Variants in ADAMTS6 observed in about 807,000 individuals in gnomAD.
The protein encoded by ADAMTS6 is ADAM metallopeptidase with thrombospondin type 1 motif 6, also known as A disintegrin and metalloproteinase with thrombospondin motifs 6.
In ADAMTS6, 23 loss-of-function variants were observed where a neutral mutation model predicts 144.3. The ratio of observed to expected loss-of-function variants is 0.16; its 90% CI spans 0.11 to 0.23. The LOEUF (loss-of-function observed/expected upper bound fraction) is 0.23. Among genes scored for constraint, ADAMTS6 ranks in the 10% least tolerant of loss-of-function variants. ADAMTS6 has a pLI of 1.00. For synonymous variants in ADAMTS6, 444 were observed against 457.5 expected (o/e 0.97, Z 0.38); for missense variants, 999 against 1,379.6 (o/e 0.72, Z 4.37).
chr5:65,424,357 A>C (rs1376015496), intron 7 of ADAMTS6, among the ~76,000 whole-genome samples: 1 of 152,260 alleles, frequency 6.6e-6, no homozygotes, highest in East Asian at 1.9e-4. Flanking sequence ...TATAAAGATT[A>C]AGTGTGCTCA....
chr5:65,156,129 T>C (rs983600926), intron 24 of ADAMTS6, among the ~76,000 whole-genome samples: 1 of 152,190 alleles, frequency 6.6e-6, no homozygotes, highest in Non-Finnish European at 1.5e-5. Flanking sequence ...CTACCACTTT[T>C]AGCTTAGCTA....
rs184676948 is a variant in ADAMTS6 at position 65,469,337 on chromosome 5, T to C, written c.462+1441A>G. Among the ~76,000 whole-genome samples, 13 of 152,288 alleles carry C rather than the reference T, an allele frequency of 8.5e-5. No homozygotes were observed. In the East Asian group the frequency reaches 2.5e-3, roughly 29 times the overall value. On this transcript the variant is annotated intron_variant, in intron 3 of 24. Coordinates refer to ENST00000381055, the MANE Select transcript of ADAMTS6 (RefSeq NM_197941.4). ...CTTCTCTCAAATCCCACAATGGAAT[T>C]AGTTTTGTTCTTGAATGTGCTCATT...
rs181983712 is a variant in ADAMTS6 at position 65,224,284 on chromosome 5, T to C, written c.2272+36A>G. The C allele has an allele frequency of 8.9e-6, 14 of 1,571,932 alleles. No individual in the cohort carries two copies. The African/African-American group carries it at 1.8e-4, about 20-fold the overall frequency. ...TGTGCTACTTTTCCTCATTTACTTTTAAAATCCAGCAAACTAGCATACCAG... is the reference window on the plus strand; with the variant it reads ...TGTGCTACTTTTCCTCATTTACTTTCAAAATCCAGCAAACTAGCATACCAG... On this transcript the variant is annotated intron_variant, in intron 18 of 24. Transcript: ENST00000381055.
At position 65,451,720 on chromosome 5, in the gene ADAMTS6, G is replaced by A. The variant is rs966552307; in HGVS notation, c.928-100C>T. On this transcript the variant is annotated intron_variant, in intron 6 of 24. Coordinates refer to ENST00000381055, the MANE Select transcript of ADAMTS6 (RefSeq NM_197941.4). ...AAGTGGGACTATAATTAGAAGCAGTGTTTCTAGGAATAATCTCTTGCCAAT... is the reference window on the plus strand; with the variant it reads ...AAGTGGGACTATAATTAGAAGCAGTATTTCTAGGAATAATCTCTTGCCAAT... 2.1e-6 allele frequency: 3 copies of A among 1,400,678 alleles called. No homozygotes were observed. The African/African-American group carries it at 4.4e-5, about 21-fold the overall frequency. 86.8% of individuals were successfully genotyped at this position (1,400,678 alleles called of 1,614,324 possible). A position where few individuals can be genotyped will look rare whatever the true frequency, so the allele number is the denominator to read the frequency against.
intron 7 of ADAMTS6, among the ~76,000 whole-genome samples, chr5:65,431,998 TA>T (rs1159363095): frequency 6.6e-6 from 1 of 152,056 alleles, no homozygotes; most frequent in African/African-American, 2.4e-5. Context: ...GAGAGGTGGG[TA>T]AAATACTCAA....
intron 7 of ADAMTS6, among the ~76,000 whole-genome samples, chr5:65,365,478 T>C (rs1386531948): frequency 6.6e-6 from 1 of 151,986 alleles, no homozygotes; most frequent in Non-Finnish European, 1.5e-5. Context: ...AAACCCCATC[T>C]CTACTAAAAA....
chr5:65,343,072 T>A (rs1748000238), intron 7 of ADAMTS6, among the ~76,000 whole-genome samples: 1 of 151,810 alleles, frequency 6.6e-6, no homozygotes, highest in Non-Finnish European at 1.5e-5. Context: ...TGGAAAGATA[T>A]CCCATGGTTA....
At chr5:65,192,112 A>T (rs1373596735) in intron 21 of ADAMTS6, among the ~76,000 whole-genome samples, 2 of 152,116 alleles carry the variant, frequency 1.3e-5, no homozygotes, top group Non-Finnish European at 2.9e-5. Flanking sequence ...GGTGAGGTCC[A>T]ATGACTCAGA....
At chr5:65,343,204 G>GT (rs927344235) in intron 7 of ADAMTS6, among the ~76,000 whole-genome samples, 2 of 151,806 alleles carry the variant, frequency 1.3e-5, no homozygotes, top group African/African-American at 4.8e-5. Flanking sequence ...CCTAAAATGT[G>GT]TAAGAAACCA....
chr5:65,184,271 C>G (rs187861178), intron 22 of ADAMTS6, among the ~76,000 whole-genome samples: 1 of 152,308 alleles, frequency 6.6e-6, no homozygotes, highest in Non-Finnish European at 1.5e-5. Flanking sequence ...TTGGCCCTCA[C>G]TTGTAAAGGA....
At chr5:65,309,018 G>A (rs1744216752) in intron 9 of ADAMTS6, among the ~76,000 whole-genome samples, 1 of 152,032 alleles carries the variant, frequency 6.6e-6, no homozygotes, top group South Asian at 2.1e-4. Flanking sequence ...TCTGAATGGT[G>A]GACACATGGA....
intron 1 of ADAMTS6, among the ~76,000 whole-genome samples, chr5:65,479,438 G>T (rs541548221): frequency 5.3e-5 from 8 of 152,268 alleles, no homozygotes; most frequent in African/African-American, 1.9e-4. Context: ...ATTACATGTA[G>T]TCTCACACTT....
chr5:65,151,785 G>T lies in ADAMTS6; in HGVS notation c.*51C>A. On this transcript the variant is annotated 3_prime_UTR_variant, in exon 25 of 25. Transcript: ENST00000381055. ...TTCCTCTGGGTGGCTCTCTTTGATG[G>T]ATGCATTTCCATGATGAAATGACAA... 1 of 1,487,848 alleles carries T rather than the reference G, an allele frequency of 6.7e-7. No homozygotes were observed. Among genetic ancestry groups the T allele is most frequent in the Non-Finnish European group, 9.3e-7 (1 of 1,069,876 alleles). The allele number at this position is 1,487,848 out of a possible 1,614,324, so 92.2% of individuals were successfully genotyped here. A position where few individuals can be genotyped will look rare whatever the true frequency, so the allele number is the denominator to read the frequency against.
rs1186744560 is a variant in ADAMTS6 at position 65,150,390 on chromosome 5, G to A, written c.*1446C>T. 4 of 152,502 alleles carry A rather than the reference G, an allele frequency of 2.6e-5. No homozygotes were observed. The highest frequency in any genetic ancestry group is 2.1e-4 in the South Asian group (1 of 4,818). 9.4% of individuals were successfully genotyped at this position (152,502 alleles called of 1,614,324 possible). On this transcript the variant is annotated 3_prime_UTR_variant, in exon 25 of 25. Transcript: ENST00000381055. ...CTTTTTCATTCTAAGTCTTGCTGTC[G>A]AGTCTTTTGATGACCAGGATGTGAA...
At chr5:65,415,212 G>C (rs767651714) in intron 7 of ADAMTS6, 1 of 152,176 alleles carries the variant, frequency 6.6e-6, no homozygotes, top group Non-Finnish European at 1.5e-5. Flanking sequence ...TATACACATG[G>C]CCAATAAGCA....
intron 22 of ADAMTS6, among the ~76,000 whole-genome samples, chr5:65,183,799 CAA>C (rs562562804): frequency 2.4e-4 from 36 of 152,152 alleles, no homozygotes; most frequent in Non-Finnish European, 4.4e-4. Context: ...TATACCCATG[CAA>C]AGAGTATGTT....
intron 22 of ADAMTS6, among the ~76,000 whole-genome samples, 185 bp from the exon 23 acceptor site, chr5:65,173,193 C>T (rs1753740051): frequency 6.6e-6 from 1 of 152,112 alleles, no homozygotes; most frequent in Non-Finnish European, 1.5e-5. Flanking sequence ...TTATCTTTTT[C>T]TTAAGGTCTT....
intron 15 of ADAMTS6, among the ~76,000 whole-genome samples, chr5:65,228,063 A>T (rs1757856263): frequency 6.6e-6 from 1 of 152,110 alleles, no homozygotes; most frequent in African/African-American, 2.4e-5. Flanking sequence ...AAATAAAATA[A>T]TTTCTTCCCA....
chr5:65,200,885 T>G (rs1580036387), intron 20 of ADAMTS6, among the ~76,000 whole-genome samples: 1 of 152,320 alleles, frequency 6.6e-6, no homozygotes, highest in South Asian at 2.1e-4. Flanking sequence ...TTTTTATTCT[T>G]TGATACTAAA....
Sources: allele counts gnomAD v4.1 joint callset (sites outside exome capture counted in the v4.1 genomes callset), GRCh38; gene constraint gnomAD v4.1.1; transcripts MANE v1.5; gene names NCBI Gene and HGNC (gene_info 2026-07-23, HGNC 2026-07-21).